CNTNAP5: variants seen among roughly 807,000 people sequenced by gnomAD.
The protein encoded by CNTNAP5 is contactin associated protein family member 5.
Under a neutral mutation model 150.2 loss-of-function variants are expected in CNTNAP5, and 72 were observed. That is an observed-to-expected ratio of 0.48 (90% confidence interval 0.40 to 0.58). The LOEUF (loss-of-function observed/expected upper bound fraction) is 0.58. Ranked by LOEUF, CNTNAP5 falls within the 20% of genes least tolerant of loss-of-function variation. The pLI is 0.00. For missense variants in CNTNAP5, 1,636 were observed against 1,626.2 expected, an observed-to-expected ratio of 1.01 and a Z score of -0.10; for synonymous variants, 672 against 619.8, an observed-to-expected ratio of 1.08 and a Z score of -1.25.
intron 18 of CNTNAP5, among the ~76,000 whole-genome samples, chr2:124,791,034 A>G (rs1218548680): frequency 6.6e-6 from 1 of 152,248 alleles, no homozygotes; most frequent in Non-Finnish European, 1.5e-5. Flanking sequence ...TTAAAATAAA[A>G]TGCTTGAATC....
intron 1 of CNTNAP5, among the ~76,000 whole-genome samples, chr2:124,182,322 T>G (rs1211349780): frequency 6.6e-6 from 1 of 152,154 alleles, no homozygotes; most frequent in Non-Finnish European, 1.5e-5. Flanking sequence ...ACACAGGCAC[T>G]CCTCCTTAAA....
chr2:124,352,482 A>T (rs1442720194), intron 3 of CNTNAP5, among the ~76,000 whole-genome samples: 1 of 152,194 alleles, frequency 6.6e-6, no homozygotes, highest in Non-Finnish European at 1.5e-5. Context: ...CTGGACGCAG[A>T]GAAATACCAA....
chr2:124,765,580 T>C (rs1279718793), intron 16 of CNTNAP5, among the ~76,000 whole-genome samples: 1 of 152,152 alleles, frequency 6.6e-6, no homozygotes, highest in Non-Finnish European at 1.5e-5. Context: ...AGAGAAAACA[T>C]ACTAATTTGA....
At chr2:124,114,714 A>G (rs1171190234) in intron 1 of CNTNAP5, among the ~76,000 whole-genome samples, 1 of 151,878 alleles carries the variant, frequency 6.6e-6, no homozygotes, top group African/African-American at 2.4e-5. Flanking sequence ...AAATATTTCA[A>G]AATTTCATCA....
chr2:124,638,131 C>T (rs907227385), intron 12 of CNTNAP5, among the ~76,000 whole-genome samples: 3 of 150,880 alleles, frequency 2.0e-5, no homozygotes, highest in African/African-American at 7.3e-5. Context: ...CAAAACAAAC[C>T]TAGTTCCATT....
chr2:124,105,393 T>C (rs951936052), intron 1 of CNTNAP5, among the ~76,000 whole-genome samples: 2 of 152,150 alleles, frequency 1.3e-5, no homozygotes, highest in Non-Finnish European at 2.9e-5. Flanking sequence ...ATATGAAAAC[T>C]TGTCATTTTT....
intron 1 of CNTNAP5, among the ~76,000 whole-genome samples, chr2:124,136,787 C>T (rs1323946687): frequency 3.3e-5 from 5 of 152,112 alleles, no homozygotes; most frequent in African/African-American, 1.2e-4. Flanking sequence ...AGCAATGCAC[C>T]TCTTTTCTGC....
At chr2:124,663,252 C>A (rs1678630006) in intron 13 of CNTNAP5, among the ~76,000 whole-genome samples, 1 of 152,200 alleles carries the variant, frequency 6.6e-6, no homozygotes, top group Admixed American at 6.5e-5. Context: ...ATGTCGCCAG[C>A]TGCCCAGACG....
At chr2:124,474,318 A>T (rs1314538590) in intron 6 of CNTNAP5, among the ~76,000 whole-genome samples, 2 of 152,056 alleles carry the variant, frequency 1.3e-5, no homozygotes, top group East Asian at 3.9e-4. Context: ...TTTTGCATAC[A>T]ATATAGGCTT....
intron 7 of CNTNAP5, among the ~76,000 whole-genome samples, chr2:124,477,924 A>G (rs1693680534): frequency 6.6e-6 from 1 of 152,032 alleles, no homozygotes; most frequent in Admixed American, 6.6e-5. Flanking sequence ...GCAAAGTGAA[A>G]CAACAGTAAG....
rs191962780 is a variant in CNTNAP5, at chr2:124,630,377, G to A, written c.1877-17381G>A. 5.3e-5 allele frequency among the ~76,000 whole-genome samples: 8 copies of A among 152,198 alleles called. No homozygotes were observed. The East Asian group carries it at 7.7e-4, about 15-fold the overall frequency. ...GCACATCAAATAGCTTATCCACCAC[G>A]ATCAAGTTGGTTTCATCCCTGGCAT... is the stretch of plus-strand genomic sequence containing the variant. On this transcript the variant is annotated intron_variant, in intron 12 of 23. Transcript: ENST00000682447.
At chr2:124,467,375 G>C (rs1464237219) in intron 6 of CNTNAP5, among the ~76,000 whole-genome samples, 3 of 152,108 alleles carry the variant, frequency 2.0e-5, no homozygotes, top group African/African-American at 7.2e-5. Flanking sequence ...GCAGAACTAA[G>C]CAGGAGACTA....
At chr2:124,494,750 T>C (rs1044656952) in intron 7 of CNTNAP5, among the ~76,000 whole-genome samples, 2 of 152,174 alleles carry the variant, frequency 1.3e-5, no homozygotes, top group African/African-American at 4.8e-5. Context: ...AGTCATTGGG[T>C]TTCAAACCTA....
At chr2:124,556,795 C>T (rs1013952322) in intron 10 of CNTNAP5, among the ~76,000 whole-genome samples, 2 of 152,030 alleles carry the variant, frequency 1.3e-5, no homozygotes, top group African/African-American at 4.8e-5. Context: ...AGGGTATTGC[C>T]ATCAACTGTG....
At chr2:124,335,391 T>C (rs962075953) in intron 3 of CNTNAP5, among the ~76,000 whole-genome samples, 2 of 151,710 alleles carry the variant, frequency 1.3e-5, no homozygotes, top group African/African-American at 2.4e-5. Context: ...GACCCAAAAA[T>C]TGGGCTCCCA....
intron 2 of CNTNAP5, among the ~76,000 whole-genome samples, chr2:124,233,302 T>G (rs1008042363): frequency 1.3e-5 from 2 of 152,084 alleles, no homozygotes; most frequent in African/African-American, 4.8e-5. Flanking sequence ...AGCAGCATAA[T>G]GAACATCTCC....
intron 3 of CNTNAP5, among the ~76,000 whole-genome samples, chr2:124,400,574 G>T (rs1436840826): frequency 6.6e-6 from 1 of 152,018 alleles, no homozygotes; most frequent in Non-Finnish European, 1.5e-5. Flanking sequence ...TAGAAGGTTG[G>T]GCTGCCCTGC....
At chr2:124,267,997 G>A (rs1687656093) in intron 3 of CNTNAP5, among the ~76,000 whole-genome samples, 1 of 152,198 alleles carries the variant, frequency 6.6e-6, no homozygotes, top group African/African-American at 2.4e-5. Context: ...TTATGGTAAT[G>A]TCAGGATCCA....
intron 18 of CNTNAP5, among the ~76,000 whole-genome samples, chr2:124,792,982 A>G (rs1035331647): frequency 6.6e-5 from 10 of 152,242 alleles, no homozygotes; most frequent in African/African-American, 2.4e-4. Flanking sequence ...GCTATTATAC[A>G]TAACACTGCT....
Sources: gnomAD v4.1 joint callset for allele counts (sites outside exome capture counted in the v4.1 genomes callset) on GRCh38, gnomAD v4.1.1 for gene constraint, MANE v1.5 for transcripts, NCBI Gene and HGNC (gene_info 2026-07-23, HGNC 2026-07-21) for gene names.